Variants in ANO6 observed in about 807,000 individuals in gnomAD.
ANO6 encodes anoctamin-6.
A neutral mutation model predicts 117.5 loss-of-function variants in ANO6; 106 were observed. That is an observed-to-expected ratio of 0.90 (90% CI 0.77 to 1.06). The LOEUF (loss-of-function observed/expected upper bound fraction) is 1.06. Ranked by LOEUF, ANO6 falls within the 50% of genes least tolerant of loss-of-function variation. The pLI, the probability that ANO6 is intolerant of heterozygous loss-of-function variation, is 0.00. For missense variants in ANO6, 955 were observed against 1,121.1 expected (o/e 0.85, Z 2.12); for synonymous variants, 367 against 385.1 (o/e 0.95, Z 0.55).
chr12:45,438,269 G>C (rs1190224862), intron 19 of ANO6, among the ~76,000 whole-genome samples: 1 of 151,786 alleles, frequency 6.6e-6, no homozygotes, highest in East Asian at 1.9e-4. Context: ...GTGTGTGTGT[G>C]TGTGTGTATG....
At chr12:45,423,985 G>A (rs773479494) in intron 19 of ANO6, among the ~76,000 whole-genome samples, 6 of 151,758 alleles carry the variant, frequency 4.0e-5, no homozygotes, top group Non-Finnish European at 5.9e-5. Context: ...GAGAAGAAGT[G>A]GGGTAGACTA....
In ANO6 at chr12:45,421,133, C is replaced by T. The variant is rs759459749; in HGVS notation, c.2280C>T (p.Ser760=). 5.0e-6 allele frequency: 8 copies of T among 1,613,904 alleles called. No homozygotes were observed. Among genetic ancestry groups the T allele is most frequent in the African/African-American group, 4.0e-5 (3 of 74,848 alleles). Residue 760 remains serine, a synonymous_variant, in exon 18 of 20, where the codon TCC becomes TCT. Coordinates refer to ENST00000320560, the MANE Select transcript of ANO6 (RefSeq NM_001025356.3). ...IPRLVYYWSF[S]VPPYGDHTSY... is the part of the protein sequence containing the mutation. ...GCCTAGTGTACTACTGGTCCTTCTC[C>T]GTCCCTCCCTACGGGGACCACACTT...
chr12:45,221,983 T>A (rs1298943927), intron 1 of ANO6, among the ~76,000 whole-genome samples: 2 of 144,344 alleles, frequency 1.4e-5, no homozygotes, highest in Admixed American at 1.4e-4. Flanking sequence ...TTGGATTCAC[T>A]CCATTCTCCC....
intron 1 of ANO6, among the ~76,000 whole-genome samples, chr12:45,248,453 G>A (rs575532832): frequency 9.6e-5 from 14 of 145,536 alleles, no homozygotes; most frequent in African/African-American, 3.1e-4. Flanking sequence ...TTTTTGGTGG[G>A]GACAGAGTTG....
intron 1 of ANO6, among the ~76,000 whole-genome samples, chr12:45,263,440 G>A (rs1213549334): frequency 1.5e-5 from 2 of 137,646 alleles, no homozygotes; most frequent in African/African-American, 5.4e-5. Context: ...TTAAACTCCT[G>A]GCCTCAAGCA....
intron 18 of ANO6, 150 bp from the exon 19 acceptor site, chr12:45,422,807 C>G: frequency 1.4e-6 from 1 of 698,678 alleles, no homozygotes; most frequent in Non-Finnish European, 2.6e-6. Flanking sequence ...CTCCTGGCCT[C>G]AAGTGATCCA....
chr12:45,220,259 C>A (rs1286334690), intron 1 of ANO6, among the ~76,000 whole-genome samples: 3 of 152,052 alleles, frequency 2.0e-5, no homozygotes, highest in African/African-American at 7.2e-5. Flanking sequence ...GCTTTGAGTT[C>A]CTAGTCTGTT....
At chr12:45,236,201 G>A (rs567543216) in intron 1 of ANO6, among the ~76,000 whole-genome samples, 10 of 152,220 alleles carry the variant, frequency 6.6e-5, no homozygotes, top group African/African-American at 2.4e-4. Flanking sequence ...CAAATTAATG[G>A]TAGAGCTACT....
intron 1 of ANO6, among the ~76,000 whole-genome samples, chr12:45,227,396 G>A (rs1027458146): frequency 2.0e-5 from 3 of 152,068 alleles, no homozygotes; most frequent in Admixed American, 6.5e-5. Flanking sequence ...AAAGTCTTAC[G>A]GTCAGATGAC....
At chr12:45,263,238 G>T (rs2137216129) in intron 1 of ANO6, among the ~76,000 whole-genome samples, 1 of 151,152 alleles carries the variant, frequency 6.6e-6, no homozygotes, top group Middle Eastern at 3.4e-3. Flanking sequence ...GAGAGACAGA[G>T]TCTTTCTCTG....
chr12:45,357,848 T>C (rs1184010022), intron 8 of ANO6, among the ~76,000 whole-genome samples: 1 of 152,246 alleles, frequency 6.6e-6, no homozygotes, highest in Non-Finnish European at 1.5e-5. Context: ...TGTTTTACTT[T>C]TAGAAATGAT....
chr12:45,233,132 C>T (rs760468413), intron 1 of ANO6, among the ~76,000 whole-genome samples: 9 of 152,132 alleles, frequency 5.9e-5, no homozygotes, highest in Admixed American at 1.3e-4. Context: ...AACCTGACTT[C>T]GGCTGGGAGT....
At chr12:45,391,039 T>G (rs1429384811) in intron 12 of ANO6, among the ~76,000 whole-genome samples, 1 of 152,028 alleles carries the variant, frequency 6.6e-6, no homozygotes, top group Non-Finnish European at 1.5e-5. Context: ...GAGAGTCACT[T>G]GAACCCAGGA....
At chr12:45,319,068 C>G (rs942044235) in intron 2 of ANO6, among the ~76,000 whole-genome samples, 7 of 152,276 alleles carry the variant, frequency 4.6e-5, no homozygotes, top group African/African-American at 1.7e-4. Context: ...CAAACAGGGA[C>G]AATTTGACTT....
chr12:45,408,233 C>T (rs1217226673), intron 15 of ANO6, among the ~76,000 whole-genome samples: 1 of 152,200 alleles, frequency 6.6e-6, no homozygotes, highest in African/African-American at 2.4e-5. Context: ...GAAGTCCACA[C>T]CCACATGTTT....
chr12:45,423,548 G>A (rs1203033841), intron 19 of ANO6, among the ~76,000 whole-genome samples: 1 of 152,140 alleles, frequency 6.6e-6, no homozygotes, highest in East Asian at 1.9e-4. Context: ...TTGCTTAATT[G>A]GTATGGTAGA....
chr12:45,397,991 A>G lies in ANO6; in HGVS notation c.1387-3804A>G, dbSNP rs538188683. Among the ~76,000 whole-genome samples, 74 of 151,188 alleles carry G rather than the reference A, an allele frequency of 4.9e-4. 1 individual carries two copies. The highest frequency in any genetic ancestry group is 1.8e-3 in the African/African-American group (73 of 41,260). ...AGAACTTAAAGTATAAAAAAAAACT[A>G]CAAATAAATTTGATGACTATATGAT... On this transcript the variant is annotated intron_variant, in intron 12 of 19. Transcript: ENST00000320560.
chr12:45,271,921 A>C (rs1938404434), intron 1 of ANO6, among the ~76,000 whole-genome samples: 1 of 152,210 alleles, frequency 6.6e-6, no homozygotes, highest in African/African-American at 2.4e-5. Context: ...CCTCTTTGAA[A>C]TCCTAAGTCT....
At chr12:45,276,817 C>T (rs1938569930) in intron 1 of ANO6, among the ~76,000 whole-genome samples, 1 of 152,162 alleles carries the variant, frequency 6.6e-6, no homozygotes, top group East Asian at 1.9e-4. Context: ...ATGCCATGAG[C>T]TCCCCGCCTT....
Sources: gnomAD v4.1 joint callset for allele counts (sites outside exome capture counted in the v4.1 genomes callset) on GRCh38, gnomAD v4.1.1 for gene constraint, MANE v1.5 for transcripts, NCBI Gene and HGNC (gene_info 2026-07-23, HGNC 2026-07-21) for gene names.